The following SLC35F4 variants were observed in gnomAD, a reference collection of about 807,000 sequenced individuals.
SLC35F4 encodes the protein solute carrier family 35 member F4.
SLC35F4 carries 24 observed loss-of-function variants against 44.2 expected under a neutral mutation model. The observed-to-expected ratio is 0.54, with a 90% confidence interval of 0.39 to 0.76. The LOEUF (loss-of-function observed/expected upper bound fraction) is 0.76. Among genes scored for constraint, SLC35F4 ranks in the 30% least tolerant of loss-of-function variants. The probability of loss-of-function intolerance (pLI) is 0.00; values close to 1 mark genes in which losing one functional copy is unlikely to be tolerated. For missense variants in SLC35F4, 562 were observed against 586.1 expected (o/e 0.96, Z 0.42); for synonymous variants, 238 against 223.6 (o/e 1.06, Z -0.57).
intron 1 of SLC35F4, among the ~76,000 whole-genome samples, chr14:57,790,488 A>C (rs1299867730): frequency 6.6e-6 from 1 of 151,654 alleles, no homozygotes; most frequent in Non-Finnish European, 1.5e-5. Flanking sequence ...ATAAGAGAGG[A>C]CACAAACAAA....
intron 1 of SLC35F4, among the ~76,000 whole-genome samples, chr14:57,816,823 C>T (rs1882653228): frequency 6.6e-6 from 1 of 152,196 alleles, no homozygotes; most frequent in Non-Finnish European, 1.5e-5. Context: ...CTGTAGACTA[C>T]ACAGGAGGCA....
rs561363110 is a variant in SLC35F4 at position 57,674,891 on chromosome 14, T to C, written c.104-80767A>G. Among the ~76,000 whole-genome samples the C allele has an allele frequency of 2.2e-4, 33 of 152,206 alleles. No homozygotes were observed. The South Asian group carries it at 2.3e-3, about 11-fold the overall frequency. ...CTTAGTGAACCTGCATCTTCTATAG[T>C]ACTCTTTGCTCCTGAGGGAGATACT... On this transcript the variant is annotated intron_variant, in intron 1 of 7. Coordinates refer to ENST00000556826, the MANE Select transcript of SLC35F4 (RefSeq NM_001306087.2).
chr14:57,638,897 G>A (rs1328630211), intron 1 of SLC35F4, among the ~76,000 whole-genome samples: 3 of 152,044 alleles, frequency 2.0e-5, no homozygotes, highest in Non-Finnish European at 2.9e-5. Context: ...TAGAGTTAGG[G>A]TCATCTTTGC....
rs139985560 is a variant in SLC35F4, at chr14:57,604,924, A to G, written c.104-10800T>C. 5.9e-3 allele frequency among the ~76,000 whole-genome samples: 903 copies of G among 152,320 alleles called. 6 individuals are homozygous for G. The highest frequency in any genetic ancestry group is 0.02 in the African/African-American group (846 of 41,578). ...TCCATATGCAAAAGAATGAAACTGGACCCATACCTATCACCATATACAAAA... is the reference window on the plus strand; with the variant it reads ...TCCATATGCAAAAGAATGAAACTGGGCCCATACCTATCACCATATACAAAA... On this transcript the variant is annotated intron_variant, in intron 1 of 7. Transcript: ENST00000556826.
chr14:57,600,623 C>T lies in SLC35F4; in HGVS notation c.104-6499G>A, dbSNP rs1446898848. Among the ~76,000 whole-genome samples, 4 of 113,804 alleles carry T rather than the reference C, an allele frequency of 3.5e-5. No individual in the cohort carries two copies. In the East Asian group the frequency reaches 1.2e-3, roughly 33 times the overall value. The allele number at this position is 113,804 out of a possible 152,430, so 74.7% of individuals were successfully genotyped here. A position where few individuals can be genotyped will look rare whatever the true frequency, so the allele number is the denominator to read the frequency against. On this transcript the variant is annotated intron_variant, in intron 1 of 7. Transcript: ENST00000556826. ...AGGAGAATGGCGTGAACCCGGGAGGCGGAGCTTGCAGTGAGCCGAGATCCC... is the reference window on the plus strand; with the variant it reads ...AGGAGAATGGCGTGAACCCGGGAGGTGGAGCTTGCAGTGAGCCGAGATCCC...
At chr14:57,857,047 G>A (rs112893043) in intron 1 of SLC35F4, among the ~76,000 whole-genome samples, 2 of 151,914 alleles carry the variant, frequency 1.3e-5, no homozygotes, top group African/African-American at 2.4e-5. Flanking sequence ...AAGACGAGGC[G>A]GGTGGATCAC....
At chr14:57,867,189 A>G (rs1888191119), upstream of SLC35F4, among the ~76,000 whole-genome samples, 1 of 151,996 alleles carries the variant, frequency 6.6e-6, no homozygotes, top group Admixed American at 6.6e-5. Context: ...GTCGACTTCA[A>G]TGCCCCTCTC....
chr14:57,568,611 G>A (rs929919437), intron 6 of SLC35F4, among the ~76,000 whole-genome samples: 17 of 152,210 alleles, frequency 1.1e-4, no homozygotes, highest in Non-Finnish European at 2.2e-4. Flanking sequence ...GTTTTCTGTC[G>A]AAGACCTCCC....
At chr14:57,745,810 A>T (rs573383123) in intron 1 of SLC35F4, among the ~76,000 whole-genome samples, 8 of 152,326 alleles carry the variant, frequency 5.3e-5, no homozygotes, top group African/African-American at 1.7e-4. Flanking sequence ...CACTATTCAC[A>T]ATAGCAAAGA....
intron 1 of SLC35F4, among the ~76,000 whole-genome samples, chr14:57,619,980 CA>C (rs2072083392): frequency 6.6e-6 from 1 of 151,552 alleles, no homozygotes; most frequent in African/African-American, 2.4e-5. Context: ...AGCAAGAAGA[CA>C]AGATTAGTGA....
At chr14:57,728,168 T>G (rs1350308081) in intron 1 of SLC35F4, among the ~76,000 whole-genome samples, 1 of 152,218 alleles carries the variant, frequency 6.6e-6, no homozygotes, top group Non-Finnish European at 1.5e-5. Context: ...AGTTTTTGTC[T>G]TGAAATATAT....
chr14:57,568,993 G>C lies in SLC35F4; in HGVS notation c.1126+795C>G, dbSNP rs183727009. Among the ~76,000 whole-genome samples the C allele has an allele frequency of 8.2e-4, 125 of 152,290 alleles. 1 individual carries two copies. The highest frequency in any genetic ancestry group is 6.4e-3 in the East Asian group (33 of 5,180). ...CAGGCTCCTCTCACATCAAGTGACA[G>C]CAGCACAGCTTAAAAGTCAGATCCT... is the stretch of plus-strand genomic sequence containing the variant. On this transcript the variant is annotated intron_variant, in intron 6 of 7. Coordinates refer to ENST00000556826, the MANE Select transcript of SLC35F4 (RefSeq NM_001306087.2).
At chr14:57,662,761 A>G (rs1202845306) in intron 1 of SLC35F4, among the ~76,000 whole-genome samples, 1 of 152,202 alleles carries the variant, frequency 6.6e-6, no homozygotes, top group East Asian at 1.9e-4. Flanking sequence ...GGTGTGCTGG[A>G]TATTCCCCAT....
chr14:57,691,405 T>TA (rs1313211358), intron 1 of SLC35F4, among the ~76,000 whole-genome samples: 1 of 152,186 alleles, frequency 6.6e-6, no homozygotes. Flanking sequence ...ATACATGTTA[T>TA]AAAATTATAT....
At chr14:57,800,949 G>A (rs2078178083) in intron 1 of SLC35F4, among the ~76,000 whole-genome samples, 1 of 152,102 alleles carries the variant, frequency 6.6e-6, no homozygotes, top group African/African-American at 2.4e-5. Context: ...CATACTTCAG[G>A]ATATCATCCA....
intron 1 of SLC35F4, among the ~76,000 whole-genome samples, chr14:57,952,521 A>G (rs1890159706): frequency 6.6e-6 from 1 of 152,082 alleles, no homozygotes; most frequent in Non-Finnish European, 1.5e-5. Context: ...AACCCATGCA[A>G]GGAAGCTAAG....
At chr14:57,758,714 G>GC (rs34584224) in intron 1 of SLC35F4, among the ~76,000 whole-genome samples, 17,633 of 152,094 alleles carry the variant, frequency 0.12, 1,264 homozygotes, top group South Asian at 0.19. Flanking sequence ...TTGACTAGAT[G>GC]CCAGGTGTTG....
chr14:57,633,917 C>T (rs530386886), intron 1 of SLC35F4, among the ~76,000 whole-genome samples: 1 of 151,954 alleles, frequency 6.6e-6, no homozygotes, highest in Non-Finnish European at 1.5e-5. Flanking sequence ...AGAATGCTAA[C>T]TTTAAAGGAC....
intron 1 of SLC35F4, chr14:57,596,667 C>A (rs374331974): frequency 7.0e-6 from 5 of 719,080 alleles, no homozygotes; most frequent in African/African-American, 1.8e-5. Flanking sequence ...GGATTGAGAT[C>A]AAATATTGTC....
Sources: gnomAD v4.1 joint callset for allele counts (sites outside exome capture counted in the v4.1 genomes callset) on GRCh38, gnomAD v4.1.1 for gene constraint, MANE v1.5 for transcripts, NCBI Gene and HGNC (gene_info 2026-07-23, HGNC 2026-07-21) for gene names.